Variants in CADPS2 observed in about 807,000 individuals in gnomAD.
The protein encoded by CADPS2 is calcium-dependent secretion activator 2.
Under a neutral mutation model 172.5 loss-of-function variants are expected in CADPS2, and 93 were observed. The ratio of observed to expected loss-of-function variants is 0.54; its 90% confidence interval spans 0.46 to 0.64. CADPS2 has a LOEUF of 0.64. CADPS2 is among the 30% of genes least tolerant of loss of function. The pLI is 0.00. For missense variants in CADPS2, 1,420 were observed against 1,565.9 expected, an observed-to-expected ratio of 0.91 and a Z score of 1.57; for synonymous variants, 546 against 555.2, an observed-to-expected ratio of 0.98 and a Z score of 0.23.
chr7:122,441,732 GT>G (rs1367191153), intron 15 of CADPS2, among the ~76,000 whole-genome samples, 157 bp from the exon 16 acceptor site: 3 of 152,032 alleles, frequency 2.0e-5, no homozygotes, highest in African/African-American at 7.2e-5. Context: ...ACTATTAAAA[GT>G]TTACCTAACC....
chr7:122,364,676 G>A (rs930897000), intron 25 of CADPS2, among the ~76,000 whole-genome samples: 6 of 148,612 alleles, frequency 4.0e-5, no homozygotes, highest in Non-Finnish European at 5.9e-5. Flanking sequence ...GCAGTGAGCC[G>A]AGATTGCGCC....
At chr7:122,473,254 T>C (rs567129862) in intron 13 of CADPS2, among the ~76,000 whole-genome samples, 43 of 152,168 alleles carry the variant, frequency 2.8e-4, no homozygotes, top group Non-Finnish European at 4.9e-4. Flanking sequence ...CTGTAATCAA[T>C]CTGGCTGTTT....
At chr7:122,508,449 GTTTTTTTTTTTTTTT>G (rs1205155217) in intron 9 of CADPS2, among the ~76,000 whole-genome samples, 11 of 68,418 alleles carry the variant, frequency 1.6e-4, no homozygotes, top group Admixed American at 4.9e-4. Context: ...ATTCATTTAA[GTTTTTTTTTTTTTTT>G]TTTTTTTTTT....
chr7:122,494,002 G>T (rs183649466), intron 9 of CADPS2, among the ~76,000 whole-genome samples: 1 of 152,122 alleles, frequency 6.6e-6, no homozygotes, highest in African/African-American at 2.4e-5. Context: ...TTAATCAAAC[G>T]CTAATTTAAA....
chr7:122,582,007 A>G (rs2068891908), intron 6 of CADPS2, among the ~76,000 whole-genome samples: 1 of 152,106 alleles, frequency 6.6e-6, no homozygotes, highest in Non-Finnish European at 1.5e-5. Context: ...TTACAAACTT[A>G]ACTGGCACAC....
intron 9 of CADPS2, among the ~76,000 whole-genome samples, chr7:122,495,359 C>T (rs982955440): frequency 6.6e-6 from 1 of 152,020 alleles, no homozygotes; most frequent in African/African-American, 2.4e-5. Context: ...ATATTATTTC[C>T]ATGACGTTTT....
At chr7:122,719,288 G>A (rs2090080340) in intron 2 of CADPS2, among the ~76,000 whole-genome samples, 1 of 152,018 alleles carries the variant, frequency 6.6e-6, no homozygotes, top group Admixed American at 6.6e-5. Context: ...GGAATGAGTG[G>A]CTTCATGCAT....
intron 2 of CADPS2, among the ~76,000 whole-genome samples, chr7:122,679,119 T>C (rs999200487): frequency 1.3e-5 from 2 of 149,758 alleles, no homozygotes; most frequent in Non-Finnish European, 3.0e-5. Context: ...ACAAGGGAGA[T>C]AACCTTAAAG....
At chr7:122,452,903 A>G (rs2053309114) in intron 14 of CADPS2, among the ~76,000 whole-genome samples, 1 of 151,930 alleles carries the variant, frequency 6.6e-6, no homozygotes, top group Non-Finnish European at 1.5e-5. Context: ...GTGTGTGTGT[A>G]TATATGTTTG....
At chr7:122,692,283 T>C (rs1039101539) in intron 2 of CADPS2, among the ~76,000 whole-genome samples, 1 of 151,682 alleles carries the variant, frequency 6.6e-6, no homozygotes, top group Non-Finnish European at 1.5e-5. Flanking sequence ...GGGGGGAGGG[T>C]CCCTAGGCTC....
chr7:122,777,786 T>C (rs1005312450), intron 1 of CADPS2, among the ~76,000 whole-genome samples: 1 of 152,030 alleles, frequency 6.6e-6, no homozygotes, highest in Admixed American at 6.5e-5. Flanking sequence ...TGAGGCCTCC[T>C]AGCCCTGTGG....
intron 1 of CADPS2, among the ~76,000 whole-genome samples, chr7:122,871,909 C>T (rs1360543410): frequency 6.6e-6 from 1 of 152,028 alleles, no homozygotes; most frequent in Non-Finnish European, 1.5e-5. Flanking sequence ...TTCTTTAAGA[C>T]CAGTCCTTAA....
chr7:122,729,190 T>C (rs547560555), intron 2 of CADPS2, among the ~76,000 whole-genome samples: 16 of 151,952 alleles, frequency 1.1e-4, no homozygotes, highest in Non-Finnish European at 1.6e-4. Flanking sequence ...CTGCAGATGA[T>C]AGGATTTCAT....
chr7:122,320,424 A>T, intron 29 of CADPS2, 86 bp from the exon 30 acceptor site: 1 of 1,025,758 alleles, frequency 9.7e-7, no homozygotes, highest in Non-Finnish European at 1.3e-6. Context: ...TTCAAAAATG[A>T]TCTTGGGGAA....
intron 1 of CADPS2, among the ~76,000 whole-genome samples, chr7:122,846,828 T>A (rs1812117703): frequency 6.6e-6 from 1 of 152,180 alleles, no homozygotes; most frequent in Admixed American, 6.5e-5. Context: ...CTTATAGAAG[T>A]ATGCCATGCT....
chr7:122,346,935 G>A (rs561129071), intron 27 of CADPS2, among the ~76,000 whole-genome samples: 2 of 152,272 alleles, frequency 1.3e-5, no homozygotes, highest in South Asian at 4.1e-4. Flanking sequence ...GTTGATTAGA[G>A]TATGACATTA....
intron 5 of CADPS2, among the ~76,000 whole-genome samples, chr7:122,617,903 C>T (rs919238636): frequency 2.6e-5 from 4 of 152,042 alleles, no homozygotes; most frequent in African/African-American, 7.2e-5. Flanking sequence ...ATTAGCCTGG[C>T]TTGGTGGCAG....
intron 1 of CADPS2, among the ~76,000 whole-genome samples, chr7:122,867,147 A>G (rs921526912): frequency 3.3e-5 from 5 of 152,222 alleles, no homozygotes; most frequent in South Asian, 2.1e-4. Flanking sequence ...CCTATCTAAA[A>G]TAACCACTGA....
At chr7:122,683,265 C>A (rs1026558554) in intron 2 of CADPS2, among the ~76,000 whole-genome samples, 1 of 152,186 alleles carries the variant, frequency 6.6e-6, no homozygotes, top group Non-Finnish European at 1.5e-5. Context: ...TCAGCTTACT[C>A]CTCAGCCACT....
Sources: allele counts gnomAD v4.1 joint callset (sites outside exome capture counted in the v4.1 genomes callset), GRCh38; gene constraint gnomAD v4.1.1; transcripts MANE v1.5; gene names NCBI Gene and HGNC (gene_info 2026-07-23, HGNC 2026-07-21).